ADGRB3: variants seen among roughly 807,000 people sequenced by gnomAD.
ADGRB3 encodes adhesion G protein-coupled receptor B3.
Under a neutral mutation model 193.4 loss-of-function variants are expected in ADGRB3, and 37 were observed. That is an observed-to-expected ratio of 0.19 (90% CI 0.15 to 0.25). The LOEUF (loss-of-function observed/expected upper bound fraction) is 0.25, where lower values mean the gene tolerates loss of function less well. Ranked by LOEUF, ADGRB3 falls within the 10% of genes least tolerant of loss-of-function variation. The pLI is 1.00. For missense variants in ADGRB3, 1,637 were observed against 1,852.9 expected (o/e 0.88, Z 2.14); for synonymous variants, 690 against 644.2 (o/e 1.07, Z -1.08).
chr6:68,994,089 G>C lies in ADGRB3; in HGVS notation c.1929+127G>C, dbSNP rs184934795. 1.3e-5 allele frequency: 12 copies of C among 898,490 alleles called. No homozygotes were observed. In the African/African-American group the frequency reaches 2.0e-4, roughly 15 times the overall value. The allele number at this position is 898,490 out of a possible 1,614,324, so 55.7% of individuals were successfully genotyped here. A position where few individuals can be genotyped will look rare whatever the true frequency, so the allele number is the denominator to read the frequency against. ...ATAATGCTCATCCAAGTTATGCTTA[G>C]TGTGAGCTCTGGAAATGACCTCAGT... On this transcript the variant is annotated intron_variant, in intron 11 of 31. Coordinates refer to ENST00000370598, the MANE Select transcript of ADGRB3 (RefSeq NM_001704.3).
At chr6:69,238,988 A>G (rs1195372221) in intron 19 of ADGRB3, 136 bp from the exon 20 acceptor site, 1 of 432,052 alleles carries the variant, frequency 2.3e-6, no homozygotes, top group Non-Finnish European at 4.0e-6. Flanking sequence ...AACTATTTTT[A>G]TATTTTTTAT....
At chr6:68,955,171 T>G (rs12207529) in intron 6 of ADGRB3, among the ~76,000 whole-genome samples, 18,639 of 152,236 alleles carry the variant, frequency 0.12, 1,349 homozygotes, top group East Asian at 0.29. Context: ...TTCCTCTGCA[T>G]GGAACATACC....
At chr6:69,266,468 A>G (rs2127276576) in intron 20 of ADGRB3, among the ~76,000 whole-genome samples, 1 of 152,186 alleles carries the variant, frequency 6.6e-6, no homozygotes, top group South Asian at 2.1e-4. Flanking sequence ...CTAGAGAGTT[A>G]GCACAAAAAG....
rs1305644851 is a variant in ADGRB3, at chr6:68,760,209, G to A, written c.757+120777G>A. 2.0e-5 allele frequency among the ~76,000 whole-genome samples: 3 copies of A among 152,138 alleles called. No individual in the cohort carries two copies. The South Asian group carries it at 6.2e-4, about 31-fold the overall frequency. Reference sequence around the variant, plus strand: ...GTAGTTCCTTATGCAATCAAAGATGGAGGTAAACATTTAGAATGTGAATTA... The same window carrying A: ...GTAGTTCCTTATGCAATCAAAGATGAAGGTAAACATTTAGAATGTGAATTA... On this transcript the variant is annotated intron_variant, in intron 3 of 31. Transcript: ENST00000370598.
intron 17 of ADGRB3, among the ~76,000 whole-genome samples, chr6:69,191,763 G>A (rs762024435): frequency 1.3e-5 from 2 of 152,098 alleles, no homozygotes; most frequent in Non-Finnish European, 2.9e-5. Flanking sequence ...AGCCTTGTCT[G>A]AGACAAAGAA....
intron 17 of ADGRB3, among the ~76,000 whole-genome samples, chr6:69,109,865 A>G (rs1435738886): frequency 3.3e-5 from 5 of 152,082 alleles, no homozygotes; most frequent in Non-Finnish European, 7.4e-5. Context: ...TTCAGCTGTC[A>G]TTGTTATTAT....
chr6:68,693,078 G>C (rs1362504103), intron 3 of ADGRB3, among the ~76,000 whole-genome samples: 1 of 151,634 alleles, frequency 6.6e-6, no homozygotes, highest in Non-Finnish European at 1.5e-5. Flanking sequence ...GAACACTTTG[G>C]AACTGAATGT....
chr6:69,269,859 C>T (rs1164438676), intron 20 of ADGRB3, among the ~76,000 whole-genome samples: 2 of 152,002 alleles, frequency 1.3e-5, no homozygotes, highest in Non-Finnish European at 2.9e-5. Flanking sequence ...TAAAAGCTAC[C>T]TTATACTTTA....
At position 69,107,041 on chromosome 6, in the gene ADGRB3, A is replaced by T. The variant is rs951678844; in HGVS notation, c.2480+31003A>T. ...TTGCATTACTAGATTGAGGATCTTC[A>T]TGCCACTATTTTATGTAAATGTATT... On this transcript the variant is annotated intron_variant, in intron 17 of 31. Coordinates refer to ENST00000370598, the MANE Select transcript of ADGRB3 (RefSeq NM_001704.3). 2.6e-5 allele frequency among the ~76,000 whole-genome samples: 4 copies of T among 152,186 alleles called. No individual in the cohort carries two copies. The South Asian group carries it at 8.3e-4, about 31-fold the overall frequency.
intron 13 of ADGRB3, among the ~76,000 whole-genome samples, chr6:69,026,902 G>C (rs1292312142): frequency 6.6e-6 from 1 of 152,188 alleles, no homozygotes; most frequent in African/African-American, 2.4e-5. Context: ...ACTTAAAGTT[G>C]CTCTGCATGA....
In ADGRB3 at chr6:68,898,450, G is replaced by C. The variant is rs531555010; in HGVS notation, c.758-32109G>C. Reference sequence around the variant, plus strand: ...CAGACACACCCAGAAATAATGTTTCGCCAACTATCTGAGTTTTCCTTAATC... The same window carrying C: ...CAGACACACCCAGAAATAATGTTTCCCCAACTATCTGAGTTTTCCTTAATC... On this transcript the variant is annotated intron_variant, in intron 3 of 31. Transcript: ENST00000370598. Among the ~76,000 whole-genome samples, 282 of 152,060 alleles carry C rather than the reference G, an allele frequency of 1.9e-3. 2 individuals carry two copies. The highest frequency in any genetic ancestry group is 3.3e-3 in the Non-Finnish European group (226 of 67,988).
intron 26 of ADGRB3, among the ~76,000 whole-genome samples, chr6:69,342,693 A>T (rs774123315): frequency 1.3e-5 from 2 of 152,122 alleles, no homozygotes; most frequent in Non-Finnish European, 2.9e-5. Flanking sequence ...ATAAAGACAT[A>T]CCAAAGAAAA....
intron 3 of ADGRB3, among the ~76,000 whole-genome samples, chr6:68,925,608 A>G (rs1013520409): frequency 3.3e-5 from 5 of 151,938 alleles, no homozygotes; most frequent in Non-Finnish European, 7.4e-5. Flanking sequence ...ATTTAATTGT[A>G]TTTCTCTTTG....
intron 3 of ADGRB3, among the ~76,000 whole-genome samples, chr6:68,915,494 G>A (rs1766853297): frequency 6.6e-6 from 1 of 152,144 alleles, no homozygotes. Flanking sequence ...AACAATAAAA[G>A]ACAAAATATT....
At chr6:69,137,116 A>G (rs1292734727) in intron 17 of ADGRB3, among the ~76,000 whole-genome samples, 1 of 144,366 alleles carries the variant, frequency 6.9e-6, no homozygotes, top group Non-Finnish European at 1.5e-5. Context: ...TGAAATTAAA[A>G]TAGATGACCA....
rs535246474 is a variant in ADGRB3, at chr6:69,167,598, C to T, written c.2481-65692C>T. On this transcript the variant is annotated intron_variant, in intron 17 of 31. Coordinates refer to ENST00000370598, the MANE Select transcript of ADGRB3 (RefSeq NM_001704.3). ...CAGTTTTGTTTTTGTTTTTTTCTCA[C>T]GCCAATTCTAAATAATGTCTTTCAG... Among the ~76,000 whole-genome samples, 66 of 152,122 alleles carry T rather than the reference C, an allele frequency of 4.3e-4. No individual in the cohort carries two copies. In the South Asian group the frequency reaches 4.8e-3, roughly 11 times the overall value.
intron 10 of ADGRB3, among the ~76,000 whole-genome samples, chr6:68,991,253 A>G (rs750425176): frequency 6.6e-6 from 1 of 152,158 alleles, no homozygotes; most frequent in Non-Finnish European, 1.5e-5. Context: ...TCAATAACCC[A>G]TTCATTCCTT....
chr6:69,198,560 G>A (rs2150357126), intron 17 of ADGRB3, among the ~76,000 whole-genome samples: 1 of 152,108 alleles, frequency 6.6e-6, no homozygotes, highest in Middle Eastern at 3.4e-3. Context: ...AATTGGAGAG[G>A]TCAAGTCATT....
chr6:69,257,187 A>T (rs535027954), intron 20 of ADGRB3, among the ~76,000 whole-genome samples: 1 of 152,132 alleles, frequency 6.6e-6, no homozygotes, highest in Non-Finnish European at 1.5e-5. Context: ...GTCTCTGCCC[A>T]GCTTTGGTAT....
Sources: allele counts gnomAD v4.1 joint callset (sites outside exome capture counted in the v4.1 genomes callset), GRCh38; gene constraint gnomAD v4.1.1; transcripts MANE v1.5; gene names NCBI Gene and HGNC (gene_info 2026-07-23, HGNC 2026-07-21).